The following MARCHF1 variants were observed in gnomAD, a reference collection of about 807,000 sequenced individuals.
MARCHF1 encodes membrane associated ring-CH-type finger 1.
MARCHF1 carries 40 observed loss-of-function variants against 54.2 expected under a neutral mutation model. The ratio of observed to expected loss-of-function variants is 0.74; its 90% CI spans 0.57 to 0.96. The LOEUF is 0.96. Among genes scored for constraint, MARCHF1 ranks in the 40% least tolerant of loss-of-function variants. MARCHF1 has a pLI of 0.00. For synonymous variants in MARCHF1, 236 were observed against 236.3 expected, an observed-to-expected ratio of 1.00 and a Z score of 0.01; for missense variants, 586 against 656.5, an observed-to-expected ratio of 0.89 and a Z score of 1.17.
chr4:164,349,469 ATCTT>A (rs1266036274), intron 1 of MARCHF1, among the ~76,000 whole-genome samples: 9 of 152,166 alleles, frequency 5.9e-5, no homozygotes, highest in Non-Finnish European at 4.4e-5. Flanking sequence ...AGAACTATCA[ATCTT>A]TATATAAGAA....
chr4:163,596,537 C>CAA lies in MARCHF1; in HGVS notation c.1011-10610_1011-10609dup, dbSNP rs142539749. On this transcript the variant is annotated intron_variant, in intron 7 of 9. Coordinates refer to ENST00000514618, the MANE Select transcript of MARCHF1 (RefSeq NM_001394959.1). ...CCTGGGCGACAGTGTGAGGCTGTCT[C>CAA]AAAAAAAAAAAAAAAAAAAAAAAAA... is the stretch of plus-strand genomic sequence containing the variant. Among the ~76,000 whole-genome samples, 387 of 73,754 alleles carry CAA rather than the reference C, an allele frequency of 5.2e-3. 11 individuals are homozygous for CAA. Among genetic ancestry groups the CAA allele is most frequent in the South Asian group, 7.4e-3 (13 of 1,760 alleles). The allele number at this position is 73,754 out of a possible 152,430, so 48.4% of individuals were successfully genotyped here.
chr4:163,753,867 T>C (rs895337402), intron 4 of MARCHF1, among the ~76,000 whole-genome samples: 1 of 152,128 alleles, frequency 6.6e-6, no homozygotes, highest in African/African-American at 2.4e-5. Context: ...ATTGTGTCAA[T>C]TCCAGAATGA....
chr4:164,196,907 G>A (rs530936028), intron 1 of MARCHF1: 1 of 1,431,972 alleles, frequency 7.0e-7, no homozygotes, highest in East Asian at 2.3e-5. Context: ...CAGGATTGGA[G>A]GGGGGAGGGG....
intron 3 of MARCHF1, among the ~76,000 whole-genome samples, chr4:163,898,446 T>C (rs1750864333): frequency 3.3e-5 from 5 of 152,108 alleles, no homozygotes; most frequent in Admixed American, 3.3e-4. Flanking sequence ...TCAACATCAA[T>C]ATACATCGGA....
At chr4:163,665,690 C>G (rs576074026) in intron 5 of MARCHF1, among the ~76,000 whole-genome samples, 1 of 152,040 alleles carries the variant, frequency 6.6e-6, no homozygotes, top group South Asian at 2.1e-4. Flanking sequence ...TCTTTCATAA[C>G]AAAGAATAGT....
intron 4 of MARCHF1, among the ~76,000 whole-genome samples, chr4:163,718,927 C>T (rs934712729): frequency 3.9e-5 from 6 of 152,144 alleles, no homozygotes; most frequent in Admixed American, 2.0e-4. Context: ...GAGGTGAGGA[C>T]CAGAGCCAAG....
chr4:163,784,592 TTTCTACCTATGCCATTGA>T (rs1390208799), intron 4 of MARCHF1, among the ~76,000 whole-genome samples: 1 of 151,696 alleles, frequency 6.6e-6, no homozygotes, highest in Non-Finnish European at 1.5e-5. Context: ...AGTAGATCTG[TTTCTACCTATGCCATTGA>T]TTCTACCTAT....
At chr4:164,048,246 A>T (rs1405453314) in intron 2 of MARCHF1, among the ~76,000 whole-genome samples, 2 of 152,128 alleles carry the variant, frequency 1.3e-5, no homozygotes, top group African/African-American at 2.4e-5. Context: ...ATTGTTTTAC[A>T]CTTTAATCCT....
intron 3 of MARCHF1, chr4:163,933,110 G>A (rs1751716662): frequency 3.3e-6 from 4 of 1,194,230 alleles, no homozygotes; most frequent in East Asian, 2.9e-5. Flanking sequence ...CTTTTGATGA[G>A]GCCATTGCAG....
intron 3 of MARCHF1, among the ~76,000 whole-genome samples, chr4:163,857,495 G>A (rs1250224181): frequency 6.6e-6 from 1 of 152,030 alleles, no homozygotes; most frequent in Admixed American, 6.6e-5. Flanking sequence ...TACCAAAATA[G>A]GAAAGTGGTC....
intron 4 of MARCHF1, among the ~76,000 whole-genome samples, chr4:163,703,276 C>T (rs1182918694): frequency 6.6e-6 from 1 of 151,744 alleles, no homozygotes; most frequent in South Asian, 2.1e-4. Flanking sequence ...TGCAATTCTG[C>T]CTTTGATTCT....
intron 3 of MARCHF1, among the ~76,000 whole-genome samples, chr4:163,876,502 C>A (rs1463997054): frequency 6.6e-6 from 1 of 152,142 alleles, no homozygotes; most frequent in Non-Finnish European, 1.5e-5. Context: ...ATTATTAAAA[C>A]AACTGCCTGT....
intron 2 of MARCHF1, among the ~76,000 whole-genome samples, chr4:164,073,349 A>T (rs550337074): frequency 6.6e-6 from 1 of 152,304 alleles, no homozygotes; most frequent in African/African-American, 2.4e-5. Context: ...CTTTGCAGGG[A>T]TATGGATGAA....
intron 7 of MARCHF1, among the ~76,000 whole-genome samples, chr4:163,590,256 A>AC (rs1740547686): frequency 7.6e-6 from 1 of 131,278 alleles, no homozygotes; most frequent in African/African-American, 3.1e-5. Flanking sequence ...ACTCATCACT[A>AC]AAAAAAAAAA....
At chr4:164,168,229 C>T (rs1252994524) in intron 1 of MARCHF1, among the ~76,000 whole-genome samples, 1 of 148,802 alleles carries the variant, frequency 6.7e-6, no homozygotes, top group Admixed American at 6.7e-5. Flanking sequence ...GAGATATCAC[C>T]TCACACCTGT....
At chr4:163,705,374 C>G (rs1301701973) in intron 4 of MARCHF1, among the ~76,000 whole-genome samples, 1 of 151,698 alleles carries the variant, frequency 6.6e-6, no homozygotes, top group African/African-American at 2.4e-5. Flanking sequence ...AAAATTGTGC[C>G]TTGCTCTCAT....
rs1319125832 is a variant in MARCHF1 at position 163,946,539 on chromosome 4, C to T, written c.-39+41962G>A. Among the ~76,000 whole-genome samples the T allele has an allele frequency of 3.3e-5, 5 of 152,104 alleles. No individual in the cohort carries two copies. The East Asian group carries it at 9.6e-4, about 29-fold the overall frequency. ...TATCCCCCAGGAATGTTTCCTGATT[C>T]TTCTAGTCCAAGACAGTTATTTTCA... is the stretch of plus-strand genomic sequence containing the variant. On this transcript the variant is annotated intron_variant, in intron 3 of 9. Coordinates refer to ENST00000514618, the MANE Select transcript of MARCHF1 (RefSeq NM_001394959.1).
At chr4:163,566,773 T>C (rs1739658175) in intron 8 of MARCHF1, among the ~76,000 whole-genome samples, 1 of 152,184 alleles carries the variant, frequency 6.6e-6, no homozygotes, top group Admixed American at 6.5e-5. Flanking sequence ...CAACAATGGT[T>C]CACTGACTAT....
chr4:163,869,261 G>A (rs28623335), intron 3 of MARCHF1, among the ~76,000 whole-genome samples: 1 of 151,982 alleles, frequency 6.6e-6, no homozygotes, highest in Non-Finnish European at 1.5e-5. Flanking sequence ...GGACATTTAC[G>A]CAAGCTTAAC....
Sources: gnomAD v4.1 joint callset for allele counts (sites outside exome capture counted in the v4.1 genomes callset) on GRCh38, gnomAD v4.1.1 for gene constraint, MANE v1.5 for transcripts, NCBI Gene and HGNC (gene_info 2026-07-23, HGNC 2026-07-21) for gene names.